The following UNC5C variants were observed in gnomAD, a reference collection of about 807,000 sequenced individuals.
UNC5C encodes netrin receptor UNC5C.
A neutral mutation model predicts 99.8 loss-of-function variants in UNC5C; 47 were observed. That is an observed-to-expected ratio of 0.47 (90% CI 0.37 to 0.60). The LOEUF (loss-of-function observed/expected upper bound fraction) is 0.60. UNC5C is among the 20% of genes least tolerant of loss of function. UNC5C has a pLI of 0.00. For synonymous variants in UNC5C, 487 were observed against 452.2 expected, an observed-to-expected ratio of 1.08 and a Z score of -0.98; for missense variants, 1,062 against 1,165.9, an observed-to-expected ratio of 0.91 and a Z score of 1.30.
chr4:95,489,431 G>A (rs1266524163), intron 1 of UNC5C, among the ~76,000 whole-genome samples: 1 of 151,622 alleles, frequency 6.6e-6, no homozygotes, highest in African/African-American at 2.4e-5. Flanking sequence ...ACGATGAAGA[G>A]TAATTTTTTA....
At position 95,329,650 on chromosome 4, in the gene UNC5C, C is replaced by T. The variant is rs544178415; in HGVS notation, c.346+5760G>A. 1.1e-4 allele frequency among the ~76,000 whole-genome samples: 16 copies of T among 152,214 alleles called. No individual in the cohort carries two copies. In the South Asian group the frequency reaches 2.3e-3, roughly 22 times the overall value. On this transcript the variant is annotated intron_variant, in intron 2 of 15. Transcript: ENST00000453304. ...CAACAACTCTGCTCGATTTTCTATT[C>T]GGTTGCTGATCTTTTCCTTAAATAT...
At position 95,239,796 on chromosome 4, in the gene UNC5C, G is replaced by T. The variant is rs1032234467; in HGVS notation, c.1108+2633C>A. ...AAGGAAATATATCTGAATTCGTTTTGAACAAATTAACAAATAAATATCAAC... is the reference window on the plus strand; with the variant it reads ...AAGGAAATATATCTGAATTCGTTTTTAACAAATTAACAAATAAATATCAAC... On this transcript the variant is annotated intron_variant, in intron 7 of 15. Coordinates refer to ENST00000453304, the MANE Select transcript of UNC5C (RefSeq NM_003728.4). 2.6e-5 allele frequency among the ~76,000 whole-genome samples: 4 copies of T among 152,022 alleles called. No individual in the cohort carries two copies. The South Asian group carries it at 8.3e-4, about 32-fold the overall frequency.
chr4:95,179,774 T>C (rs1579203601), intron 14 of UNC5C, among the ~76,000 whole-genome samples: 1 of 144,736 alleles, frequency 6.9e-6, no homozygotes, highest in Non-Finnish European at 1.5e-5. Context: ...AAGAAAAAGA[T>C]GACTGACTAA....
Position 95,397,938 on chromosome 4 carries a change from C to A in UNC5C, c.125-62307G>T, listed in dbSNP as rs1009773755. On this transcript the variant is annotated intron_variant, in intron 1 of 15. Transcript: ENST00000453304. Reference sequence around the variant, plus strand: ...CATTATTAATTGTCTGCATTCTGCCCCATCTTCATAATTCAATGTGTCCAG... The same window carrying A: ...CATTATTAATTGTCTGCATTCTGCCACATCTTCATAATTCAATGTGTCCAG... Among the ~76,000 whole-genome samples the A allele has an allele frequency of 2.0e-5, 3 of 151,834 alleles. No individual in the cohort carries two copies. In the South Asian group the frequency reaches 6.2e-4, roughly 32 times the overall value.
In UNC5C at chr4:95,315,280, G is replaced by A. The variant is rs568005584; in HGVS notation, c.347-13531C>T. 3.9e-5 allele frequency among the ~76,000 whole-genome samples: 6 copies of A among 152,228 alleles called. No homozygotes were observed. In the South Asian group the frequency reaches 1.0e-3, roughly 26 times the overall value. On this transcript the variant is annotated intron_variant, in intron 2 of 15. Transcript: ENST00000453304. ...TCCCAAGATGGAATGGCTGAAACAT[G>A]TTAGAATGGTACATTCATTGTCATA... is the stretch of plus-strand genomic sequence containing the variant.
At chr4:95,194,322 T>C (rs1737287148) in intron 12 of UNC5C, among the ~76,000 whole-genome samples, 1 of 152,234 alleles carries the variant, frequency 6.6e-6, no homozygotes, top group Admixed American at 6.5e-5. Flanking sequence ...TGTTAACACA[T>C]TATTTTTAAA....
chr4:95,194,520 G>C (rs920597057), intron 12 of UNC5C, among the ~76,000 whole-genome samples: 3 of 152,018 alleles, frequency 2.0e-5, no homozygotes, highest in African/African-American at 7.2e-5. Flanking sequence ...ATCTGTACTG[G>C]GTCTTCTCCA....
chr4:95,322,770 C>G (rs573431154), intron 2 of UNC5C, among the ~76,000 whole-genome samples: 3 of 151,736 alleles, frequency 2.0e-5, no homozygotes, highest in African/African-American at 7.2e-5. Flanking sequence ...GAAATGCCGT[C>G]CCTACCAAAA....
At chr4:95,239,702 A>G (rs1243950369) in intron 7 of UNC5C, among the ~76,000 whole-genome samples, 1 of 152,194 alleles carries the variant, frequency 6.6e-6, no homozygotes, top group Non-Finnish European at 1.5e-5. Flanking sequence ...TGTCTCTACT[A>G]AGTTTGCAAT....
chr4:95,509,061 A>G (rs1214431610), intron 1 of UNC5C, among the ~76,000 whole-genome samples: 1 of 151,928 alleles, frequency 6.6e-6, no homozygotes, highest in Non-Finnish European at 1.5e-5. Flanking sequence ...AATTGAGTGA[A>G]AAGCTTAATT....
Position 95,360,915 on chromosome 4 carries a change from G to A in UNC5C, c.125-25284C>T, listed in dbSNP as rs138932689. On this transcript the variant is annotated intron_variant, in intron 1 of 15. Coordinates refer to ENST00000453304, the MANE Select transcript of UNC5C (RefSeq NM_003728.4). The stretch of plus-strand genomic sequence containing the variant: ...GTTAAGGAGGCATTTTAATAGAAAC[G>A]TACTCATGTCTAGAAAATATAGGTC... Among the ~76,000 whole-genome samples the A allele has an allele frequency of 5.9e-4, 90 of 152,310 alleles. No homozygotes were observed. In the East Asian group the frequency reaches 0.012, roughly 20 times the overall value.
chr4:95,178,621 TAGA>T (rs1429828837), intron 14 of UNC5C, among the ~76,000 whole-genome samples: 4 of 152,210 alleles, frequency 2.6e-5, no homozygotes, highest in African/African-American at 9.6e-5. Context: ...CAACCTCTGA[TAGA>T]AGCCCACCCA....
chr4:95,256,531 AT>A (rs1190856355), intron 4 of UNC5C, among the ~76,000 whole-genome samples: 6 of 151,848 alleles, frequency 4.0e-5, no homozygotes, highest in African/African-American at 1.5e-4. Flanking sequence ...CCAAGTCACT[AT>A]CGTTTCCTTC....
chr4:95,444,186 G>A (rs1272740971), intron 1 of UNC5C, among the ~76,000 whole-genome samples: 3 of 152,194 alleles, frequency 2.0e-5, no homozygotes, highest in Non-Finnish European at 4.4e-5. Flanking sequence ...AACTGCACTG[G>A]CAGATAAAGA....
chr4:95,440,949 G>A (rs937296747), intron 1 of UNC5C, among the ~76,000 whole-genome samples: 7 of 151,968 alleles, frequency 4.6e-5, no homozygotes, highest in African/African-American at 1.7e-4. Flanking sequence ...CATTTATATA[G>A]AGTCGCTCAT....
At chr4:95,370,993 G>C (rs1365293147) in intron 1 of UNC5C, among the ~76,000 whole-genome samples, 1 of 152,148 alleles carries the variant, frequency 6.6e-6, no homozygotes, top group African/African-American at 2.4e-5. Flanking sequence ...GGGTCCTGGG[G>C]CCATTAGGAA....
chr4:95,175,543 C>A (rs1179715832), intron 14 of UNC5C, among the ~76,000 whole-genome samples: 3 of 152,036 alleles, frequency 2.0e-5, no homozygotes, highest in Admixed American at 6.6e-5. Context: ...GTTGAAAATT[C>A]TTTTCTTTAA....
chr4:95,333,627 C>G (rs1167761690), intron 2 of UNC5C, among the ~76,000 whole-genome samples: 1 of 151,920 alleles, frequency 6.6e-6, no homozygotes, highest in Non-Finnish European at 1.5e-5. Context: ...TTCTAAATGA[C>G]CAGTTAATGG....
At chr4:95,258,746 CTTT>C (rs775570031) in intron 4 of UNC5C, among the ~76,000 whole-genome samples, 17 of 76,044 alleles carry the variant, frequency 2.2e-4, no homozygotes, top group South Asian at 2.2e-3. Flanking sequence ...CCATCTTATT[CTTT>C]TTTTTTTTTT....
Sources: gnomAD v4.1 joint callset for allele counts (sites outside exome capture counted in the v4.1 genomes callset) on GRCh38, gnomAD v4.1.1 for gene constraint, MANE v1.5 for transcripts, NCBI Gene and HGNC (gene_info 2026-07-23, HGNC 2026-07-21) for gene names.